The following PODXL2 variants were observed in gnomAD, a reference collection of about 807,000 sequenced individuals.
PODXL2 encodes podocalyxin like 2.
A neutral mutation model predicts 53.4 loss-of-function variants in PODXL2; 17 were observed. The observed-to-expected ratio is 0.32, with a 90% CI of 0.22 to 0.48. The LOEUF is 0.48. PODXL2 is among the 20% of genes least tolerant of loss of function. PODXL2 has a pLI of 0.99. For missense variants in PODXL2, 673 were observed against 760.0 expected (o/e 0.89, Z 1.35); for synonymous variants, 311 against 306.7 (o/e 1.01, Z -0.15).
At chr3:127,665,923 G>C (rs768344425) in intron 4 of PODXL2, 5 of 468,322 alleles carry the variant, frequency 1.1e-5, no homozygotes, top group East Asian at 1.2e-4. Flanking sequence ...ATGAGGAAAG[G>C]TATTTAGAAA....
At chr3:127,630,274 G>A (rs535516176) in intron 1 of PODXL2, among the ~76,000 whole-genome samples, 18 of 152,190 alleles carry the variant, frequency 1.2e-4, no homozygotes, top group Non-Finnish European at 2.4e-4. Context: ...AGTGTGTTAC[G>A]GTGTATGTTA....
intron 2 of PODXL2, 87 bp from the exon 3 acceptor site, chr3:127,660,291 G>C: frequency 1.3e-6 from 2 of 1,533,990 alleles, no homozygotes; most frequent in Non-Finnish European, 1.8e-6. Flanking sequence ...AGTGTATTGT[G>C]GTTCTTTTAT....
At chr3:127,651,129 T>C (rs2074686551) in intron 2 of PODXL2, among the ~76,000 whole-genome samples, 1 of 152,084 alleles carries the variant, frequency 6.6e-6, no homozygotes, top group Non-Finnish European at 1.5e-5. Flanking sequence ...CCAGATGTGG[T>C]TGCGGGCACT....
chr3:127,631,582 A>G (rs1328884452), intron 1 of PODXL2, among the ~76,000 whole-genome samples: 4 of 152,130 alleles, frequency 2.6e-5, no homozygotes, highest in Admixed American at 2.0e-4. Flanking sequence ...TGCTAGAGGG[A>G]AAAAGGAAAT....
At chr3:127,656,559 A>T in intron 2 of PODXL2, among the ~76,000 whole-genome samples, 1 of 151,796 alleles carries the variant, frequency 6.6e-6, no homozygotes, top group East Asian at 1.9e-4. Context: ...ACATGGTGAA[A>T]CCCTGTCTCT....
rs748147701 is a variant in PODXL2, at chr3:127,671,515, G to A, written c.1507G>A (p.Val503Met). 21 of 1,614,164 alleles carry A rather than the reference G, an allele frequency of 1.3e-5. No homozygotes were observed. The South Asian group carries it at 1.4e-4, about 11-fold the overall frequency. ...QVRSDYGTLF[V>M]VLVVIGAICI... ...GCGCAGCGACTACGGCACGCTCTTC[G>A]TGGTGCTGGTGGTCATTGGGGCCAT... The change falls in exon 7 of 8, where the codon GTG becomes ATG. Residue 503 changes from valine to methionine, a missense_variant. Physicochemically the swap from Val to Met is conservative, Grantham distance 21. This residue lies in a region of PODXL2 where 588 missense variants were observed against 668.3 expected (regional missense o/e 0.88). Coordinates refer to ENST00000342480, the MANE Select transcript of PODXL2 (RefSeq NM_015720.4).
rs190755768 is a variant in PODXL2 at position 127,633,081 on chromosome 3, G to C, written c.70+3792G>C. Among the ~76,000 whole-genome samples, 43 of 152,332 alleles carry C rather than the reference G, an allele frequency of 2.8e-4. No individual in the cohort carries two copies. The East Asian group carries it at 7.9e-3, about 28-fold the overall frequency. On this transcript the variant is annotated intron_variant, in intron 1 of 7. Transcript: ENST00000342480. ...AATGTAAATAAAGGGATTCTTGCTT[G>C]TGAAACATTGGGAATCACTTTACTA...
rs781757410 is a variant in PODXL2, at chr3:127,660,783, C to T, written c.755C>T (p.Thr252Ile). 3 of 1,614,036 alleles carry T rather than the reference C, an allele frequency of 1.9e-6. No homozygotes were observed. The African/African-American group carries it at 4.0e-5, about 22-fold the overall frequency. ...CTGCTGCCTTCAGTCACCCCAACTA[C>T]AGTGACTCCGGGGGACCAGGACTCC... is the stretch of plus-strand genomic sequence containing the variant. Reference protein sequence around the residue: ...SLLLPSVTPTTVTPGDQDSTS... With the variant: ...SLLLPSVTPTIVTPGDQDSTS... The change falls in exon 3 of 8, where the codon ACA becomes ATA. Residue 252 changes from threonine to isoleucine, a missense_variant. Thr to Ile is a moderately conservative substitution (Grantham distance 89). Coordinates refer to ENST00000342480, the MANE Select transcript of PODXL2 (RefSeq NM_015720.4).
intron 2 of PODXL2, among the ~76,000 whole-genome samples, chr3:127,646,497 C>T (rs1016559424): frequency 1.3e-5 from 2 of 152,008 alleles, no homozygotes; most frequent in South Asian, 4.2e-4. Flanking sequence ...AAGTGATTCT[C>T]CTGCCTCAGC....
intron 2 of PODXL2, among the ~76,000 whole-genome samples, chr3:127,653,863 T>C (rs2074704995): frequency 6.6e-6 from 1 of 152,248 alleles, no homozygotes; most frequent in Non-Finnish European, 1.5e-5. Context: ...CTGTACTTCT[T>C]GCTAAACCAT....
chr3:127,672,498 G>A lies in PODXL2; in HGVS notation c.*18G>A, dbSNP rs1207148181. 7 of 1,432,422 alleles carry A rather than the reference G, an allele frequency of 4.9e-6. No individual in the cohort carries two copies. The highest frequency in any genetic ancestry group is 1.4e-5 in the South Asian group (1 of 72,810). 88.7% of individuals were successfully genotyped at this position (1,432,422 alleles called of 1,614,324 possible). On this transcript the variant is annotated 3_prime_UTR_variant, in exon 8 of 8. Coordinates refer to ENST00000342480, the MANE Select transcript of PODXL2 (RefSeq NM_015720.4). ...ACCTGTGAGCGCAGCCGAGGCGCAGGCCGAGTGGGCCGCCAGGACCAAGCG... is the reference window on the plus strand; with the variant it reads ...ACCTGTGAGCGCAGCCGAGGCGCAGACCGAGTGGGCCGCCAGGACCAAGCG...
intron 2 of PODXL2, among the ~76,000 whole-genome samples, chr3:127,645,143 TCTC>T (rs1158281746): frequency 2.6e-5 from 4 of 152,340 alleles, no homozygotes; most frequent in African/African-American, 7.2e-5. Flanking sequence ...CCCAGCCTCT[TCTC>T]CTTCCTTGCT....
chr3:127,663,783 G>A (rs2074780791), intron 4 of PODXL2, among the ~76,000 whole-genome samples: 1 of 152,138 alleles, frequency 6.6e-6, no homozygotes, highest in Non-Finnish European at 1.5e-5. Flanking sequence ...TTGGGAAATG[G>A]TACATGAAGA....
Position 127,631,107 on chromosome 3 carries a change from G to A in PODXL2, c.70+1818G>A, listed in dbSNP as rs545233225. On this transcript the variant is annotated intron_variant, in intron 1 of 7. Coordinates refer to ENST00000342480, the MANE Select transcript of PODXL2 (RefSeq NM_015720.4). ...CTTTCTTACACACCTTTGTGTGGAAGCCCTTCAGGGACCTGTCAGCATTGT... is the reference window on the plus strand; with the variant it reads ...CTTTCTTACACACCTTTGTGTGGAAACCCTTCAGGGACCTGTCAGCATTGT... 5.3e-5 allele frequency among the ~76,000 whole-genome samples: 8 copies of A among 152,342 alleles called. No homozygotes were observed. The South Asian group carries it at 1.7e-3, about 32-fold the overall frequency.
intron 2 of PODXL2, among the ~76,000 whole-genome samples, chr3:127,648,599 G>A (rs567217535): frequency 1.3e-5 from 2 of 150,790 alleles, no homozygotes; most frequent in African/African-American, 2.4e-5. Flanking sequence ...GAATGTTAAC[G>A]TTTTGGACTA....
intron 1 of PODXL2, among the ~76,000 whole-genome samples, chr3:127,636,222 A>G (rs2074577327): frequency 6.6e-6 from 1 of 152,250 alleles, no homozygotes; most frequent in Admixed American, 6.5e-5. Context: ...CCTCTCAGGA[A>G]GAACCTTAAG....
chr3:127,666,449 C>A (rs1278432299), intron 4 of PODXL2, among the ~76,000 whole-genome samples: 3 of 151,952 alleles, frequency 2.0e-5, no homozygotes, highest in African/African-American at 7.3e-5. Context: ...TTTTTGTCAC[C>A]CAGGCTGGAG....
At chr3:127,670,178 TTAAG>T (rs2074823479) in intron 6 of PODXL2, among the ~76,000 whole-genome samples, 1 of 152,032 alleles carries the variant, frequency 6.6e-6, no homozygotes, top group African/African-American at 2.4e-5. Context: ...GTTGTGAGGG[TTAAG>T]TGAGGCACCT....
In PODXL2 at chr3:127,652,751, G is replaced by A. The variant is rs142068639; in HGVS notation, c.350-7627G>A. 5.3e-3 allele frequency among the ~76,000 whole-genome samples: 811 copies of A among 152,294 alleles called. 9 individuals carry two copies. Among genetic ancestry groups the A allele is most frequent in the African/African-American group, 0.018 (759 of 41,552 alleles). On this transcript the variant is annotated intron_variant, in intron 2 of 7. Transcript: ENST00000342480. ...CCTTGGTCCCAGACACGCTTTTGGG[G>A]TTTGGCTACAAACTAAAAGGGCTTC...
Sources: allele counts gnomAD v4.1 joint callset (sites outside exome capture counted in the v4.1 genomes callset), GRCh38; gene constraint gnomAD v4.1.1; regional missense constraint gnomAD v4.1.1; transcripts MANE v1.5; gene names NCBI Gene and HGNC (gene_info 2026-07-23, HGNC 2026-07-21).